The following PRPF31 variants were observed in gnomAD, a reference collection of about 807,000 sequenced individuals.
PRPF31 encodes the protein U4/U6 small nuclear ribonucleoprotein Prp31.
A neutral mutation model predicts 60.4 loss-of-function variants in PRPF31; 12 were observed. The observed-to-expected ratio is 0.20, with a 90% CI of 0.13 to 0.32. The LOEUF (loss-of-function observed/expected upper bound fraction) is 0.32, where lower values mean the gene tolerates loss of function less well. PRPF31 is among the 10% of genes least tolerant of loss of function. The pLI is 1.00. For missense variants in PRPF31, 431 were observed against 687.1 expected, an observed-to-expected ratio of 0.63 and a Z score of 4.17; for synonymous variants, 287 against 287.9, an observed-to-expected ratio of 1.00 and a Z score of 0.03.
chr19:54,126,495 C>G (rs1324050202), intron 8 of PRPF31, 33 bp from the exon 9 acceptor site: 1 of 1,597,876 alleles, frequency 6.3e-7, no homozygotes, highest in South Asian at 1.1e-5. Flanking sequence ...GTCTGTCTCA[C>G]ACAGATTCCA....
Position 54,128,148 on chromosome 19 carries a change from A to C in PRPF31, c.1021A>C (p.Lys341Gln). Residue 341 changes from lysine to glutamine, a missense_variant, in exon 10 of 14, where the codon AAG (lysine) becomes CAG (glutamine). Around this residue, in one of 4 missense-constraint regions of PRPF31, gnomAD observed 314 missense variants for 475.3 expected, o/e 0.66. Coordinates refer to ENST00000321030, the MANE Select transcript of PRPF31 (RefSeq NM_015629.4). ...WQEPPPVKQVKPLPAPLDGQR... is the reference protein window; with the variant it reads ...WQEPPPVKQVQPLPAPLDGQR... Reference sequence around the variant, plus strand: ...GGAGCCGCCGCCTGTGAAGCAGGTGAAGCCGCTGCCTGCGCCCCTGGATGG... The same window carrying C: ...GGAGCCGCCGCCTGTGAAGCAGGTGCAGCCGCTGCCTGCGCCCCTGGATGG... The C allele has an allele frequency of 6.4e-7, 1 of 1,560,004 alleles. No individual in the cohort carries two copies. Among genetic ancestry groups the C allele is most frequent in the East Asian group, 2.3e-5 (1 of 43,174 alleles).
intron 8 of PRPF31, chr19:54,125,265 C>A (rs1463402933): frequency 6.3e-6 from 1 of 158,690 alleles, no homozygotes; most frequent in African/African-American, 2.4e-5. Flanking sequence ...GAGGCCGAGG[C>A]GGGCAGATCA....
chr19:54,131,191 G>C (rs757363419), intron 13 of PRPF31, 116 bp from the exon 14 acceptor site: 85 of 1,435,956 alleles, frequency 5.9e-5, no homozygotes, highest in Non-Finnish European at 7.6e-5. Context: ...CAGGCAAACT[G>C]TCTCATGCCC....
At chr19:54,122,329 A>G (rs2073811922) in intron 4 of PRPF31, 168 bp from the exon 5 acceptor site, 1 of 754,832 alleles carries the variant, frequency 1.3e-6, no homozygotes, top group African/African-American at 1.7e-5. Context: ...TCCCCTGGTC[A>G]CACCTAGCGG....
Position 54,131,609 on chromosome 19 carries a change from T to C in PRPF31, c.*177T>C. ...GGCCTGGCCTCCCCCAGGACCGAGA[T>C]CACCGCCCAGTATGGGCTAGAGCAG... On this transcript the variant is annotated 3_prime_UTR_variant, in exon 14 of 14. Transcript: ENST00000321030. The C allele has an allele frequency of 1.1e-6, 1 of 912,560 alleles. No individual in the cohort carries two copies. Among genetic ancestry groups the C allele is most frequent in the Non-Finnish European group, 1.7e-6 (1 of 584,696 alleles). The allele number at this position is 912,560 out of a possible 1,614,324, so 56.5% of individuals were successfully genotyped here. A position where few individuals can be genotyped will look rare whatever the true frequency, so the allele number is the denominator to read the frequency against.
At chr19:54,116,637 A>G (rs587697020) in intron 1 of PRPF31, among the ~76,000 whole-genome samples, 1 of 152,368 alleles carries the variant, frequency 6.6e-6, no homozygotes, top group Non-Finnish European at 1.5e-5. Context: ...GGCTTTATCA[A>G]ATAATTACTT....
At chr19:54,117,839 C>T (rs1568580986) in intron 1 of PRPF31, among the ~76,000 whole-genome samples, 1 of 151,980 alleles carries the variant, frequency 6.6e-6, no homozygotes, top group African/African-American at 2.4e-5. Context: ...GTGTCAGAGC[C>T]AGACTCCATC....
At chr19:54,128,052 C>A (rs1478132644) in intron 9 of PRPF31, 21 bp from the exon 10 acceptor site, 1 of 1,548,272 alleles carries the variant, frequency 6.5e-7, no homozygotes, top group Non-Finnish European at 8.7e-7. Context: ...AGCTGCAGGA[C>A]CTCCCCCTCG....
intron 3 of PRPF31, among the ~76,000 whole-genome samples, chr19:54,121,320 G>C (rs1238664566): frequency 1.3e-5 from 2 of 149,924 alleles, no homozygotes; most frequent in African/African-American, 4.9e-5. Context: ...AAAAAAAAAA[G>C]GCTAGGAGGA....
Position 54,129,361 on chromosome 19 carries a change from C to A in PRPF31, c.1365C>A (p.Thr455=), listed in dbSNP as rs757327800. The stretch of plus-strand genomic sequence containing the variant: ...GCACGGCCTCCAGCGTGGCCTTCAC[C>A]CCACTCCAGGTACCTCCCCTGGGCC... The part of the protein sequence containing the change: ...SSGTASSVAF[T]PLQGLEIVNP... The change falls in exon 13 of 14, where the codon ACC becomes ACA. Residue 455 remains threonine (T), a synonymous_variant. Transcript: ENST00000321030. 6.3e-7 allele frequency: 1 copy of A among 1,597,390 alleles called. No homozygotes were observed. Among genetic ancestry groups the A allele is most frequent in the South Asian group, 1.1e-5 (1 of 88,658 alleles).
Position 54,124,647 on chromosome 19 carries a change from C to A in PRPF31, c.846C>A (p.Ser282=). The change falls in exon 8 of 14, where the codon TCC becomes TCA. Residue 282 remains serine (S), a synonymous_variant. Transcript: ENST00000321030. Reference sequence around the variant, plus strand: ...TCTACCACAGTGACATCGTGCAGTCCCTGCCACCGGTGAGCCCACTGCGTC... The same window carrying A: ...TCTACCACAGTGACATCGTGCAGTCACTGCCACCGGTGAGCCCACTGCGTC... The part of the protein sequence containing the change: ...GYIYHSDIVQ[S]LPPDLRRKAA... 1 of 1,612,934 alleles carries A rather than the reference C, an allele frequency of 6.2e-7. No homozygotes were observed. Among genetic ancestry groups the A allele is most frequent in the Non-Finnish European group, 8.5e-7 (1 of 1,180,008 alleles).
rs775495522 is a variant in PRPF31 at position 54,123,866 on chromosome 19, C to T, written c.645C>T (p.Ile215=). Residue 215 remains isoleucine (I), a synonymous_variant, in exon 7 of 14, where the codon ATC becomes ATT. Transcript: ENST00000321030. ...ATGTGGAGTCCCGGATGTCCTTCAT[C>T]GCACCCAACCTGTCCATCATTATCG... The part of the protein sequence containing the change: ...YEYVESRMSF[I]APNLSIIIGA... 15 of 1,613,912 alleles carry T rather than the reference C, an allele frequency of 9.3e-6. No homozygotes were observed. The highest frequency in any genetic ancestry group is 1.6e-4 in the Middle Eastern group (1 of 6,084).
intron 8 of PRPF31, chr19:54,124,890 C>T: frequency 3.3e-6 from 2 of 604,856 alleles, no homozygotes; most frequent in Non-Finnish European, 5.9e-6. Context: ...GTCTCCTCCC[C>T]TATCAAATGG....
At position 54,127,898 on chromosome 19, in the gene PRPF31, C is replaced by T. The variant is rs188418851; in HGVS notation, c.946-175C>T. 5.4e-3 allele frequency among the ~76,000 whole-genome samples: 825 copies of T among 152,354 alleles called. 4 individuals carry two copies. The highest frequency in any genetic ancestry group is 6.6e-3 in the Non-Finnish European group (449 of 68,030). On this transcript the variant is annotated intron_variant, in intron 9 of 13. Transcript: ENST00000321030. The stretch of plus-strand genomic sequence containing the variant: ...AGACAGTCAACAGGTGAACTCTGTC[C>T]TGCGTCTAGCGGTGCTAAGTCAACA...
intron 13 of PRPF31, 124 bp from the exon 14 acceptor site, chr19:54,131,183 G>A (rs754003515): frequency 8.6e-6 from 12 of 1,395,866 alleles, no homozygotes; most frequent in African/African-American, 1.4e-5. Flanking sequence ...TCCAGGGACA[G>A]GCAAACTGTC....
intron 3 of PRPF31, among the ~76,000 whole-genome samples, chr19:54,120,728 C>T (rs183060928): frequency 6.6e-6 from 1 of 152,328 alleles, no homozygotes; most frequent in East Asian, 1.9e-4. Flanking sequence ...CTGCCTCAGC[C>T]TCCCAGGCAG....
At chr19:54,118,133 C>T in intron 1 of PRPF31, 138 bp from the exon 2 acceptor site, 1 of 1,214,992 alleles carries the variant, frequency 8.2e-7, no homozygotes, top group Non-Finnish European at 1.2e-6. Context: ...CAAACTAAAG[C>T]ACCTGTTGTC....
At chr19:54,118,810 G>A in intron 3 of PRPF31, 177 bp downstream of exon 3, 1 of 629,800 alleles carries the variant, frequency 1.6e-6, no homozygotes, top group South Asian at 2.0e-5. Flanking sequence ...GCATTGTAAA[G>A]CTCATGCTTC....
intron 13 of PRPF31, among the ~76,000 whole-genome samples, 194 bp from the exon 14 acceptor site, chr19:54,131,113 G>T (rs1444671349): frequency 1.3e-5 from 2 of 152,112 alleles, no homozygotes; most frequent in African/African-American, 4.8e-5. Context: ...AGGCGCCCTG[G>T]TTCCTCCCCA....
Sources: gnomAD v4.1 joint callset for allele counts (sites outside exome capture counted in the v4.1 genomes callset) on GRCh38, gnomAD v4.1.1 for gene constraint, gnomAD v4.1.1 regional missense constraint, MANE v1.5 for transcripts, NCBI Gene and HGNC (gene_info 2026-07-23, HGNC 2026-07-21) for gene names.